Variants in DSE observed in about 807,000 individuals in gnomAD.
The protein encoded by DSE is dermatan sulfate epimerase.
Under a neutral mutation model 84.4 loss-of-function variants are expected in DSE, and 36 were observed. The ratio of observed to expected loss-of-function variants is 0.43; its 90% CI spans 0.33 to 0.56. DSE has a LOEUF of 0.56. Ranked by LOEUF, DSE falls within the 20% of genes least tolerant of loss-of-function variation. The pLI is 0.06. For missense variants in DSE, 862 were observed against 1,169.6 expected (o/e 0.74, Z 3.84); for synonymous variants, 410 against 430.1 (o/e 0.95, Z 0.58).
rs995104131 is a variant in DSE at position 116,371,116 on chromosome 6, G to T, written c.-59G>T. 1.1e-4 allele frequency: 108 copies of T among 986,244 alleles called. No homozygotes were observed. Among genetic ancestry groups the T allele is most frequent in the African/African-American group, 1.4e-4 (8 of 57,364 alleles). 61.1% of individuals were successfully genotyped at this position (986,244 alleles called of 1,614,324 possible). On this transcript the variant is annotated 5_prime_UTR_variant, in exon 1 of 6. Coordinates refer to ENST00000644252, the MANE Select transcript of DSE (RefSeq NM_013352.4). Reference sequence around the variant, plus strand: ...GCCGGAGAGAACGAAGCCTCGGCTGGGAGCGGTAAGTGGAGGGGCGCGCAA... The same window carrying T: ...GCCGGAGAGAACGAAGCCTCGGCTGTGAGCGGTAAGTGGAGGGGCGCGCAA...
upstream of DSE, chr6:116,370,864 C>A: frequency 1.0e-6 from 1 of 985,834 alleles, no homozygotes. Context: ...TTCCTCCCCC[C>A]TCCAGCGGAG....
intron 2 of DSE, among the ~76,000 whole-genome samples, chr6:116,316,825 A>G (rs567233605): frequency 1.5e-5 from 2 of 135,928 alleles, no homozygotes; most frequent in African/African-American, 5.8e-5. Context: ...TACTACTACT[A>G]CTATTATTAT....
intron 1 of DSE, among the ~76,000 whole-genome samples, chr6:116,397,052 T>TG (rs1227577806): frequency 3.9e-5 from 6 of 152,028 alleles, no homozygotes; most frequent in Admixed American, 2.0e-4. Flanking sequence ...GCATGTACGT[T>TG]GGGTGTGTGT....
At chr6:116,277,299 C>T (rs1773189911) in intron 2 of DSE, 1 of 152,664 alleles carries the variant, frequency 6.6e-6, no homozygotes. Context: ...TCAATTCTCC[C>T]TGAAAAGTAT....
intron 2 of DSE, chr6:116,278,973 G>T (rs751919318): frequency 1.2e-6 from 2 of 1,613,962 alleles, no homozygotes; most frequent in East Asian, 4.5e-5. Context: ...ACAACTGGGG[G>T]TGGTTTCGAA....
rs762067261 is a variant in DSE, at chr6:116,431,062, C to T, written c.779C>T (p.Ala260Val). The T allele has an allele frequency of 1.9e-6, 3 of 1,614,126 alleles. No individual in the cohort carries two copies. The highest frequency in any genetic ancestry group is 1.7e-5 in the Admixed American group (1 of 60,018). The stretch of plus-strand genomic sequence containing the variant: ...GATGGCTCCCTCTATGAAGGAGTTG[C>T]GTATGGCAGCTACACCACTAGATCA... ...VTDGSLYEGV[A>V]YGSYTTRSLF... is the part of the protein sequence containing the mutation. Residue 260 changes from alanine (A) to valine (V), a missense_variant, in exon 4 of 6, where the codon GCG (alanine) becomes GTG (valine). Ala to Val is a moderately conservative substitution (Grantham distance 64). Around this residue, in one of 4 missense-constraint regions of DSE, gnomAD observed 309 missense variants for 516.9 expected, o/e 0.60. Coordinates refer to ENST00000644252, the MANE Select transcript of DSE (RefSeq NM_013352.4).
At chr6:116,410,584 A>G (rs1211239484) in intron 2 of DSE, among the ~76,000 whole-genome samples, 2 of 151,920 alleles carry the variant, frequency 1.3e-5, no homozygotes, top group African/African-American at 4.8e-5. Flanking sequence ...ATACAAAAAA[A>G]TTAGCTGGGT....
chr6:116,335,168 T>C (rs62423857), intron 2 of DSE, among the ~76,000 whole-genome samples: 30,271 of 152,106 alleles, frequency 0.2, 3,285 homozygotes, highest in East Asian at 0.29. Context: ...ATGTGGTATA[T>C]ATACAACATG....
At chr6:116,323,962 G>C (rs1216505900) in intron 2 of DSE, among the ~76,000 whole-genome samples, 1 of 151,012 alleles carries the variant, frequency 6.6e-6, no homozygotes, top group East Asian at 1.9e-4. Flanking sequence ...TTTTTTTCTG[G>C]GCCCCCTAGT....
chr6:116,271,633 G>A (rs558393907), intron 2 of DSE, among the ~76,000 whole-genome samples: 61 of 152,164 alleles, frequency 4.0e-4, no homozygotes, highest in Non-Finnish European at 2.2e-4. Flanking sequence ...GCCTGGAATT[G>A]AAAGAGAAAT....
rs1389755659 is a variant in DSE, at chr6:116,279,719, C to A, written c.-54+20752C>A. 5 of 1,611,404 alleles carry A rather than the reference C, an allele frequency of 3.1e-6. No individual in the cohort carries two copies. Among genetic ancestry groups the A allele is most frequent in the Non-Finnish European group, 4.2e-6 (5 of 1,180,018 alleles). The stretch of plus-strand genomic sequence containing the variant: ...ATCACCTGTGTCGCCTCGCTTTGGT[C>A]GCGGAGCCTCAGGTACTGGTGTGCG... On this transcript the variant is annotated intron_variant, in intron 2 of 3. Coordinates refer to the DSE transcript ENST00000430252.
intron 2 of DSE, among the ~76,000 whole-genome samples, chr6:116,274,018 C>T (rs988146450): frequency 7.9e-5 from 12 of 150,988 alleles, no homozygotes; most frequent in South Asian, 4.2e-4. Flanking sequence ...TTAGTAGAGA[C>T]GGGGTTTCAC....
chr6:116,320,632 C>A (rs1260338458), intron 2 of DSE, among the ~76,000 whole-genome samples: 5 of 152,124 alleles, frequency 3.3e-5, no homozygotes, highest in Admixed American at 6.6e-5. Flanking sequence ...GGCTGGAAGT[C>A]AAGATCAAGG....
At chr6:116,324,868 G>A (rs940022812) in intron 2 of DSE, among the ~76,000 whole-genome samples, 3 of 152,144 alleles carry the variant, frequency 2.0e-5, no homozygotes, top group Non-Finnish European at 2.9e-5. Flanking sequence ...TTCTGCCTGT[G>A]TGCACTCTCC....
chr6:116,268,476 C>G (rs1035591653), intron 2 of DSE, among the ~76,000 whole-genome samples: 13 of 152,316 alleles, frequency 8.5e-5, no homozygotes, highest in African/African-American at 3.1e-4. Context: ...TGAAACATGA[C>G]TGAACTGCTA....
intron 2 of DSE, among the ~76,000 whole-genome samples, chr6:116,415,948 A>C (rs1782676674): frequency 6.6e-6 from 1 of 152,220 alleles, no homozygotes; most frequent in Non-Finnish European, 1.5e-5. Context: ...GTTTTGTAGA[A>C]GTGTAACACA....
At chr6:116,401,687 A>AATTTC (rs1781601340) in intron 2 of DSE, among the ~76,000 whole-genome samples, 1 of 152,184 alleles carries the variant, frequency 6.6e-6, no homozygotes, top group Non-Finnish European at 1.5e-5. Context: ...GGTTGAACAC[A>AATTTC]ATTACAACAC....
At chr6:116,279,779 T>A in intron 2 of DSE, 2 of 1,612,784 alleles carry the variant, frequency 1.2e-6, no homozygotes, top group Non-Finnish European at 1.7e-6. Flanking sequence ...GAAATAATGA[T>A]GCTGTGGGTT....
chr6:116,326,729 G>A (rs1022466895), intron 2 of DSE, among the ~76,000 whole-genome samples: 2 of 152,108 alleles, frequency 1.3e-5, no homozygotes, highest in African/African-American at 4.8e-5. Context: ...ATGAATTTAG[G>A]TGAAGACTTA....
Sources: allele counts gnomAD v4.1 joint callset (sites outside exome capture counted in the v4.1 genomes callset), GRCh38; gene constraint gnomAD v4.1.1; regional missense constraint gnomAD v4.1.1; transcripts MANE v1.5; gene names NCBI Gene and HGNC (gene_info 2026-07-23, HGNC 2026-07-21).